The following TSPAN9 variants were observed in gnomAD, a reference collection of about 807,000 sequenced individuals.
TSPAN9 encodes the protein tetraspanin 9.
TSPAN9 carries 16 observed loss-of-function variants against 31.0 expected under a neutral mutation model. That is an observed-to-expected ratio of 0.52 (90% CI 0.35 to 0.78). TSPAN9 has a LOEUF of 0.78. TSPAN9 is among the 30% of genes least tolerant of loss of function. The probability of loss-of-function intolerance (pLI) is 0.01; values close to 1 mark genes in which losing one functional copy is unlikely to be tolerated. For missense variants in TSPAN9, 272 were observed against 312.5 expected (o/e 0.87, Z 0.98); for synonymous variants, 145 against 121.6 (o/e 1.19, Z -1.27).
At chr12:3,129,470 G>A (rs1185606947) in intron 2 of TSPAN9, among the ~76,000 whole-genome samples, 1 of 152,240 alleles carries the variant, frequency 6.6e-6, no homozygotes, top group Non-Finnish European at 1.5e-5. Context: ...GTTTCAGGAA[G>A]TGGTAAAGGA....
intron 2 of TSPAN9, among the ~76,000 whole-genome samples, chr12:3,117,858 C>T (rs1276437292): frequency 6.6e-6 from 1 of 152,108 alleles, no homozygotes; most frequent in Admixed American, 6.5e-5. Context: ...CGGACCCCTC[C>T]AGCGAGAGGA....
chr12:3,199,610 G>T (rs2098369939), intron 2 of TSPAN9, among the ~76,000 whole-genome samples: 1 of 152,182 alleles, frequency 6.6e-6, no homozygotes. Context: ...ACCCCGCTTC[G>T]TCCACCTGTC....
At chr12:3,149,364 A>G (rs1041123846) in intron 2 of TSPAN9, among the ~76,000 whole-genome samples, 12 of 152,162 alleles carry the variant, frequency 7.9e-5, no homozygotes, top group African/African-American at 2.7e-4. Flanking sequence ...TGGCATTACC[A>G]TTTTCTGCAG....
At chr12:3,201,813 T>G (rs1476608950) in intron 3 of TSPAN9, among the ~76,000 whole-genome samples, 1 of 152,244 alleles carries the variant, frequency 6.6e-6, no homozygotes, top group Non-Finnish European at 1.5e-5. Flanking sequence ...CTCAAGCCGA[T>G]GGACCTGCTT....
At chr12:3,137,564 GCAGTTCAAAGGCTTCTGCTTTC>G (rs1310556740) in intron 2 of TSPAN9, among the ~76,000 whole-genome samples, 1 of 152,178 alleles carries the variant, frequency 6.6e-6, no homozygotes, top group Non-Finnish European at 1.5e-5. Flanking sequence ...CCCCTGGGTT[GCAGTTCAAAGGCTTCTGCTTTC>G]CAGCCAGATG....
chr12:3,086,851 C>A (rs756791156), intron 2 of TSPAN9, among the ~76,000 whole-genome samples: 3 of 152,332 alleles, frequency 2.0e-5, no homozygotes, highest in Non-Finnish European at 4.4e-5. Context: ...TCTGAGGCAA[C>A]CCCCTTGAGC....
At chr12:3,227,221 G>C (rs1032603049) in intron 3 of TSPAN9, among the ~76,000 whole-genome samples, 3 of 152,204 alleles carry the variant, frequency 2.0e-5, no homozygotes, top group Admixed American at 1.3e-4. Flanking sequence ...GCCAACAGCA[G>C]TTTCATTGAA....
Position 3,107,357 on chromosome 12 carries a change from G to A in TSPAN9, c.-18+23638G>A, listed in dbSNP as rs2098315243. The stretch of plus-strand genomic sequence containing the variant: ...TCTGCCAGGCGGCACTGCAGGGGGC[G>A]GGAGTGGCCTGGAGGCTGAGATGAG... On this transcript the variant is annotated intron_variant, in intron 2 of 8. Coordinates refer to ENST00000011898, the MANE Select transcript of TSPAN9 (RefSeq NM_006675.5). This position sits in a 1 kb window ranked among gnomAD's most constrained non-coding sequence, Gnocchi z 4.1. Among the ~76,000 whole-genome samples the A allele has an allele frequency of 6.6e-6, 1 of 152,184 alleles. No individual in the cohort carries two copies. The highest frequency in any genetic ancestry group is 2.1e-4 in the South Asian group (1 of 4,836).
chr12:3,112,251 C>T (rs945519148), intron 2 of TSPAN9, among the ~76,000 whole-genome samples: 1 of 149,172 alleles, frequency 6.7e-6, no homozygotes, highest in Non-Finnish European at 1.5e-5. Flanking sequence ...GATCTCGGCT[C>T]ACTGCAACCT....
At chr12:3,219,824 C>T (rs940427397) in intron 3 of TSPAN9, among the ~76,000 whole-genome samples, 4 of 139,810 alleles carry the variant, frequency 2.9e-5, no homozygotes, top group Admixed American at 2.3e-4. Flanking sequence ...ACATTCTGCA[C>T]ATGTGTCCCA....
intron 2 of TSPAN9, among the ~76,000 whole-genome samples, chr12:3,095,359 C>G (rs372077808): frequency 6.7e-6 from 1 of 150,314 alleles, no homozygotes; most frequent in African/African-American, 2.5e-5. Flanking sequence ...CATTGTCATC[C>G]TGGCCCGTTC....
At chr12:3,166,113 C>A (rs572314660) in intron 2 of TSPAN9, among the ~76,000 whole-genome samples, 6 of 152,144 alleles carry the variant, frequency 3.9e-5, no homozygotes, top group Non-Finnish European at 8.8e-5. Flanking sequence ...ATTCATGACT[C>A]CTCTTGATGA....
chr12:3,118,599 A>G (rs146146290), intron 2 of TSPAN9, among the ~76,000 whole-genome samples: 31 of 151,652 alleles, frequency 2.0e-4, no homozygotes, highest in African/African-American at 7.0e-4. Flanking sequence ...GAACAGGGAT[A>G]CTTATTTTAT....
At chr12:3,079,704 C>T (rs796490740) in intron 1 of TSPAN9, among the ~76,000 whole-genome samples, 5 of 152,132 alleles carry the variant, frequency 3.3e-5, no homozygotes, top group Admixed American at 1.3e-4. Context: ...TCAGGTGATC[C>T]GCCTGCCTTG....
intron 3 of TSPAN9, among the ~76,000 whole-genome samples, chr12:3,256,808 G>A (rs1475819057): frequency 2.0e-5 from 3 of 152,276 alleles, no homozygotes; most frequent in East Asian, 1.9e-4. Context: ...CCATCCAAGC[G>A]TGGGTTGGCT....
chr12:3,211,010 T>A (rs1350010857), intron 3 of TSPAN9, among the ~76,000 whole-genome samples: 1 of 152,196 alleles, frequency 6.6e-6, no homozygotes, highest in East Asian at 1.9e-4. Context: ...CCTTCCAAAG[T>A]GCTGGGATTA....
chr12:3,126,772 T>C (rs956483209), intron 2 of TSPAN9, among the ~76,000 whole-genome samples: 18 of 151,572 alleles, frequency 1.2e-4, no homozygotes, highest in African/African-American at 4.4e-4. Context: ...CCTAACTACT[T>C]GGGAGGCTGA....
chr12:3,240,105 C>T (rs1371846607), intron 3 of TSPAN9, among the ~76,000 whole-genome samples: 2 of 151,990 alleles, frequency 1.3e-5, no homozygotes, highest in African/African-American at 4.8e-5. Context: ...AGAACCCTTG[C>T]GTAACCCTCA....
rs1013200859 is a variant in TSPAN9 at position 3,210,732 on chromosome 12, G to A, written c.63+9476G>A. On this transcript the variant is annotated intron_variant, in intron 3 of 8. Coordinates refer to ENST00000011898, the MANE Select transcript of TSPAN9 (RefSeq NM_006675.5). ...ATTTAAGAAATACATGCTATCTCAT[G>A]GATGTCTTTTTTTTTTTTTTTTTCC... Among the ~76,000 whole-genome samples, 73 of 150,078 alleles carry A rather than the reference G, an allele frequency of 4.9e-4. 1 individual carries two copies. The highest frequency in any genetic ancestry group is 1.6e-3 in the African/African-American group (67 of 41,008).
Sources: allele counts gnomAD v4.1 joint callset (sites outside exome capture counted in the v4.1 genomes callset), GRCh38; gene constraint gnomAD v4.1.1; non-coding constraint Gnocchi (gnomAD v3.1); transcripts MANE v1.5; gene names NCBI Gene and HGNC (gene_info 2026-07-23, HGNC 2026-07-21).